SQOR: variants seen among roughly 807,000 people sequenced by gnomAD.
SQOR encodes sulfide quinone oxidoreductase.
A neutral mutation model predicts 48.6 loss-of-function variants in SQOR; 39 were observed. The ratio of observed to expected loss-of-function variants is 0.80; its 90% CI spans 0.62 to 1.05. The LOEUF is 1.05. Ranked by LOEUF, SQOR falls within the 50% of genes least tolerant of loss-of-function variation. The pLI is 0.00. For synonymous variants in SQOR, 220 were observed against 206.2 expected (o/e 1.07, Z -0.57); for missense variants, 561 against 559.9 (o/e 1.00, Z -0.02).
At chr15:45,667,941 C>CTTTTTTTTTTTTTTTTTTTTTTT (rs1204451548) in intron 3 of SQOR, among the ~76,000 whole-genome samples, 1 of 103,278 alleles carries the variant, frequency 9.7e-6, no homozygotes, top group African/African-American at 3.6e-5. Flanking sequence ...TTCTTTCTTT[C>CTTTTTTTTTTTTTTTTTTTTTTT]TTTTTTTTTT....
rs140020915 is a variant in SQOR at position 45,679,382 on chromosome 15, A to C, written c.864+3072A>C. Among the ~76,000 whole-genome samples the C allele has an allele frequency of 1.8e-3, 281 of 152,188 alleles. 1 individual carries two copies. The highest frequency in any genetic ancestry group is 6.6e-3 in the African/African-American group (276 of 41,522). ...GTTTCAAAAATTCCCCTAATGACTA[A>C]TGTTCAACCAGGATTGAAAACAACT... is the stretch of plus-strand genomic sequence containing the variant. On this transcript the variant is annotated intron_variant, in intron 6 of 9. Transcript: ENST00000260324.
At chr15:45,673,946 T>C (rs1048469966) in intron 5 of SQOR, 145 bp downstream of exon 5, 1 of 759,512 alleles carries the variant, frequency 1.3e-6, no homozygotes, top group African/African-American at 1.8e-5. Context: ...AACTGGAAGT[T>C]TATAAAATAT....
chr15:45,632,473 G>A (rs920790759), upstream of SQOR, among the ~76,000 whole-genome samples: 6 of 151,928 alleles, frequency 3.9e-5, no homozygotes, highest in Non-Finnish European at 8.8e-5. Context: ...GCCTGCCACA[G>A]CCTCCCAAAG....
At chr15:45,647,132 C>T (rs1425463131) in intron 1 of SQOR, among the ~76,000 whole-genome samples, 1 of 151,658 alleles carries the variant, frequency 6.6e-6, no homozygotes, top group Non-Finnish European at 1.5e-5. Context: ...GCCTGTAATC[C>T]CAGCTACTCA....
At chr15:45,687,867 T>C (rs2140964497) in intron 7 of SQOR, among the ~76,000 whole-genome samples, 1 of 152,316 alleles carries the variant, frequency 6.6e-6, no homozygotes, top group South Asian at 2.1e-4. Context: ...TCTATATCTG[T>C]ATCTATATCC....
chr15:45,687,256 C>T (rs948575101), intron 7 of SQOR, among the ~76,000 whole-genome samples: 2 of 152,082 alleles, frequency 1.3e-5, no homozygotes, highest in South Asian at 2.1e-4. Flanking sequence ...GGATTACAGG[C>T]GTGTACCATC....
intron 4 of SQOR, among the ~76,000 whole-genome samples, chr15:45,671,132 TACCAG>T (rs973644460): frequency 2.6e-5 from 4 of 152,242 alleles, no homozygotes; most frequent in Admixed American, 2.6e-4. Flanking sequence ...CTCTATTACA[TACCAG>T]GAACCATGGT....
intron 7 of SQOR, 32 bp downstream of exon 7, chr15:45,682,693 C>A: frequency 5.6e-6 from 9 of 1,606,968 alleles, no homozygotes; most frequent in Non-Finnish European, 7.7e-6. Flanking sequence ...CTCCCTTTCT[C>A]AAAAATATGT....
chr15:45,672,391 T>C (rs1889960589), intron 4 of SQOR, among the ~76,000 whole-genome samples: 1 of 152,176 alleles, frequency 6.6e-6, no homozygotes, highest in Non-Finnish European at 1.5e-5. Context: ...ATATTATTAT[T>C]GAGACTGCCA....
chr15:45,682,727 A>C, intron 7 of SQOR, 66 bp downstream of exon 7: 1 of 1,567,792 alleles, frequency 6.4e-7, no homozygotes, highest in South Asian at 1.1e-5. Context: ...GATTGTAACA[A>C]AAACACAAGC....
At chr15:45,654,095 C>G (rs1045988694) in intron 1 of SQOR, among the ~76,000 whole-genome samples, 1 of 146,340 alleles carries the variant, frequency 6.8e-6, no homozygotes, top group Admixed American at 7.0e-5. Flanking sequence ...GTACTCCAGC[C>G]TGGGTGACAG....
intron 1 of SQOR, among the ~76,000 whole-genome samples, chr15:45,658,477 T>G (rs1033605762): frequency 2.0e-5 from 3 of 152,162 alleles, no homozygotes; most frequent in African/African-American, 7.2e-5. Context: ...TCTCTAATTG[T>G]GGACTCGTAT....
intron 7 of SQOR, among the ~76,000 whole-genome samples, chr15:45,683,042 A>T (rs1890152711): frequency 6.8e-6 from 1 of 147,534 alleles, no homozygotes; most frequent in Non-Finnish European, 1.5e-5. Flanking sequence ...AAAAAAAAAA[A>T]GGCCTTCCTA....
intron 1 of SQOR, among the ~76,000 whole-genome samples, chr15:45,650,964 G>A (rs568054205): frequency 5.3e-5 from 8 of 152,304 alleles, no homozygotes; most frequent in Non-Finnish European, 1.0e-4. Flanking sequence ...AGTGGATCCC[G>A]TGCCAGAGCC....
intron 5 of SQOR, among the ~76,000 whole-genome samples, 160 bp from the exon 6 acceptor site, chr15:45,675,941 G>C (rs1214479386): frequency 6.6e-6 from 1 of 152,050 alleles, no homozygotes; most frequent in African/African-American, 2.4e-5. Flanking sequence ...AGAACATAAG[G>C]AGGAGGCAGT....
chr15:45,669,840 C>T (rs1889906486), intron 3 of SQOR, 88 bp from the exon 4 acceptor site: 7 of 1,109,770 alleles, frequency 6.3e-6, no homozygotes, highest in Non-Finnish European at 8.3e-6. Context: ...TCCCTTAGAC[C>T]ACATGGAACC....
At chr15:45,681,290 G>A (rs1268400280) in intron 6 of SQOR, among the ~76,000 whole-genome samples, 1 of 152,178 alleles carries the variant, frequency 6.6e-6, no homozygotes, top group Non-Finnish European at 1.5e-5. Flanking sequence ...CCATTATCCT[G>A]CAAACATGCA....
At chr15:45,657,085 G>A (rs1256875476) in intron 1 of SQOR, among the ~76,000 whole-genome samples, 3 of 139,796 alleles carry the variant, frequency 2.1e-5, no homozygotes, top group African/African-American at 8.0e-5. Flanking sequence ...TGGGATTACC[G>A]GTGTGAACCA....
intron 1 of SQOR, among the ~76,000 whole-genome samples, chr15:45,649,805 G>A (rs1260890740): frequency 1.3e-5 from 2 of 151,868 alleles, no homozygotes; most frequent in East Asian, 3.9e-4. Context: ...AATTGCTGGG[G>A]TAAGGGGAAA....
Sources: allele counts gnomAD v4.1 joint callset (sites outside exome capture counted in the v4.1 genomes callset), GRCh38; gene constraint gnomAD v4.1.1; transcripts MANE v1.5; gene names NCBI Gene and HGNC (gene_info 2026-07-23, HGNC 2026-07-21).